ARFGEF1: variants seen among roughly 807,000 people sequenced by gnomAD.
ARFGEF1 encodes ARF guanine nucleotide exchange factor 1, also known as brefeldin A-inhibited guanine nucleotide-exchange protein 1.
ARFGEF1 carries 42 observed loss-of-function variants against 231.0 expected under a neutral mutation model. The observed-to-expected ratio is 0.18, with a 90% confidence interval of 0.14 to 0.24. ARFGEF1 has a LOEUF of 0.24. Among genes scored for constraint, ARFGEF1 ranks in the 10% least tolerant of loss-of-function variants. The pLI, the probability that ARFGEF1 is intolerant of heterozygous loss-of-function variation, is 1.00. For missense variants in ARFGEF1, 1,345 were observed against 2,192.0 expected (o/e 0.61, Z 7.72); for synonymous variants, 710 against 732.3 (o/e 0.97, Z 0.49).
chr8:67,329,528 C>A (rs975223239), intron 1 of ARFGEF1, among the ~76,000 whole-genome samples: 8 of 124,866 alleles, frequency 6.4e-5, no homozygotes, highest in Non-Finnish European at 1.0e-4. Context: ...GACTCCATCT[C>A]AAAATAAATA....
intron 5 of ARFGEF1, among the ~76,000 whole-genome samples, chr8:67,183,838 T>A (rs1412078058): frequency 6.8e-6 from 1 of 147,582 alleles, no homozygotes; most frequent in Non-Finnish European, 1.5e-5. Flanking sequence ...TGTAAAAAAT[T>A]GGGAATTTTT....
rs1839433591 is a variant in ARFGEF1, at chr8:67,228,029, G to A, written c.3525C>T (p.Tyr1175=). 6.2e-7 allele frequency: 1 copy of A among 1,603,786 alleles called. No individual in the cohort carries two copies. The highest frequency in any genetic ancestry group is 8.5e-7 in the Non-Finnish European group (1 of 1,177,366). The change falls in exon 25 of 39, where the codon TAC becomes TAT. Residue 1175 remains tyrosine, a synonymous_variant. Coordinates refer to ENST00000262215, the MANE Select transcript of ARFGEF1 (RefSeq NM_006421.5). The part of the protein sequence containing the change: ...SLQKIVEISY[Y]NMGRIRLQWS... Reference sequence around the variant, plus strand: ...ACTGTAATCTTATTCTTCCCATGTTGTAATATGATATTTCTACTATTTTTT... The same window carrying A: ...ACTGTAATCTTATTCTTCCCATGTTATAATATGATATTTCTACTATTTTTT...
Position 67,228,252 on chromosome 8 carries a change from T to A in ARFGEF1, c.3393A>T (p.Gly1131=). 1 of 1,609,668 alleles carries A rather than the reference T, an allele frequency of 6.2e-7. No homozygotes were observed. The highest frequency in any genetic ancestry group is 8.5e-7 in the Non-Finnish European group (1 of 1,177,260). Residue 1131 remains glycine (G), a synonymous_variant, in exon 24 of 39, where the codon GGA becomes GGT. Coordinates refer to ENST00000262215, the MANE Select transcript of ARFGEF1 (RefSeq NM_006421.5). Reference sequence around the variant, plus strand: ...TGGCATTTCCATCTAGCCTTGTAGATCCTGTGAATATTCTAGGGAAAATAA... The same window carrying A: ...TGGCATTTCCATCTAGCCTTGTAGAACCTGTGAATATTCTAGGGAAAATAA... ...VVVAVDRIFT[G]STRLDGNAIV...
At chr8:67,322,166 A>G (rs556770454) in intron 1 of ARFGEF1, among the ~76,000 whole-genome samples, 1 of 152,276 alleles carries the variant, frequency 6.6e-6, no homozygotes, top group East Asian at 1.9e-4. Context: ...ACTCCCAACT[A>G]AAACCCCTTT....
At chr8:67,313,986 T>A (rs955933252) in intron 1 of ARFGEF1, among the ~76,000 whole-genome samples, 1 of 151,942 alleles carries the variant, frequency 6.6e-6, no homozygotes, top group Non-Finnish European at 1.5e-5. Flanking sequence ...TCACTGGAGT[T>A]GTGTATCTAG....
chr8:67,309,550 CA>C (rs1440712077), intron 1 of ARFGEF1, among the ~76,000 whole-genome samples: 1 of 152,158 alleles, frequency 6.6e-6, no homozygotes, highest in African/African-American at 2.4e-5. Flanking sequence ...CATATAACAT[CA>C]GGGGCAGAAA....
chr8:67,299,150 G>A, intron 4 of ARFGEF1, 59 bp downstream of exon 4: 2 of 1,365,150 alleles, frequency 1.5e-6, no homozygotes, highest in Admixed American at 2.7e-5. Flanking sequence ...AAGGTGAAAG[G>A]CATCTGAATT....
In ARFGEF1 at chr8:67,183,806, A is replaced by T. The variant is rs145991067; in HGVS notation, c.561-8234T>A. Among the ~76,000 whole-genome samples, 58 of 152,052 alleles carry T rather than the reference A, an allele frequency of 3.8e-4. No individual in the cohort carries two copies. The East Asian group carries it at 0.011, about 28-fold the overall frequency. ...AAACCAAAGCCACAATTTATGAAAG[A>T]AATAATTGATAAGCCAGACTATGTA... On this transcript the variant is annotated intron_variant, in intron 5 of 5. Transcript: ENST00000518789.
chr8:67,194,752 A>ATAAT (rs1837437911), downstream of ARFGEF1, among the ~76,000 whole-genome samples: 1 of 152,078 alleles, frequency 6.6e-6, no homozygotes, highest in African/African-American at 2.4e-5. Context: ...ATTATACCTA[A>ATAAT]TAATAAATAA....
chr8:67,180,570 T>C (rs1832769796), intron 5 of ARFGEF1, among the ~76,000 whole-genome samples: 1 of 152,152 alleles, frequency 6.6e-6, no homozygotes, highest in Non-Finnish European at 1.5e-5. Context: ...TAGATCTTAA[T>C]ACACACATAA....
intron 34 of ARFGEF1, among the ~76,000 whole-genome samples, chr8:67,206,876 A>C (rs1301755660): frequency 6.6e-6 from 1 of 152,224 alleles, no homozygotes; most frequent in Non-Finnish European, 1.5e-5. Flanking sequence ...TTCTACTATG[A>C]AAAACATTTT....
chr8:67,219,287 C>T (rs1325344237), intron 30 of ARFGEF1, 144 bp downstream of exon 30: 1 of 907,674 alleles, frequency 1.1e-6, no homozygotes, highest in Non-Finnish European at 1.6e-6. Context: ...TTTATAAAGA[C>T]ATAGTATTAC....
intron 23 of ARFGEF1, among the ~76,000 whole-genome samples, chr8:67,232,260 G>C (rs1265755939): frequency 6.6e-6 from 1 of 151,980 alleles, no homozygotes; most frequent in Non-Finnish European, 1.5e-5. Flanking sequence ...CATTTATCTA[G>C]AAAAAGCTAA....
chr8:67,190,637 G>C, intron 5 of ARFGEF1: 1 of 1,599,058 alleles, frequency 6.3e-7, no homozygotes, highest in Non-Finnish European at 8.6e-7. Flanking sequence ...TCTGCTTTTC[G>C]GGGTCCTCTT....
At chr8:67,191,736 T>A (rs1836310864) in intron 5 of ARFGEF1, among the ~76,000 whole-genome samples, 2 of 152,228 alleles carry the variant, frequency 1.3e-5, no homozygotes, top group Admixed American at 1.3e-4. Context: ...TGTAGAAGTT[T>A]CTGATGTTTT....
intron 9 of ARFGEF1, among the ~76,000 whole-genome samples, chr8:67,273,300 A>G (rs1413574023): frequency 6.6e-6 from 1 of 151,106 alleles, no homozygotes; most frequent in Non-Finnish European, 1.5e-5. Context: ...TGCAAACACA[A>G]TTTTCCTCCC....
intron 7 of ARFGEF1, among the ~76,000 whole-genome samples, chr8:67,281,501 A>G (rs1805534895): frequency 6.6e-6 from 1 of 152,094 alleles, no homozygotes; most frequent in African/African-American, 2.4e-5. Flanking sequence ...CAATCATCAA[A>G]TTTAATGGTG....
rs192166588 is a variant in ARFGEF1 at position 67,308,084 on chromosome 8, C to G, written c.125-5618G>C. 1.3e-3 allele frequency among the ~76,000 whole-genome samples: 202 copies of G among 152,288 alleles called. 1 individual carries two copies. Among genetic ancestry groups the G allele is most frequent in the Non-Finnish European group, 2.4e-3 (166 of 68,006 alleles). On this transcript the variant is annotated intron_variant, in intron 1 of 38. Transcript: ENST00000262215. ...CCCAGCTTTCAAAGTCATCACCATC[C>G]AGGCACCAGACATGTAAGTAAAGAT...
intron 19 of ARFGEF1, among the ~76,000 whole-genome samples, chr8:67,246,357 T>C (rs1297838659): frequency 2.0e-5 from 3 of 150,608 alleles, no homozygotes; most frequent in Non-Finnish European, 4.4e-5. Flanking sequence ...AGACCATATG[T>C]TAGGACTCAA....
Sources: allele counts gnomAD v4.1 joint callset (sites outside exome capture counted in the v4.1 genomes callset), GRCh38; gene constraint gnomAD v4.1.1; transcripts MANE v1.5; gene names NCBI Gene and HGNC (gene_info 2026-07-23, HGNC 2026-07-21).